Variants in DLC1 observed in about 807,000 individuals in gnomAD.
DLC1 encodes DLC1 Rho GTPase activating protein, also known as rho GTPase-activating protein 7.
DLC1 carries 54 observed loss-of-function variants against 140.3 expected under a neutral mutation model. The observed-to-expected ratio is 0.38, with a 90% CI of 0.31 to 0.48. The LOEUF (loss-of-function observed/expected upper bound fraction) is 0.48, where lower values mean the gene tolerates loss of function less well. DLC1 is among the 20% of genes least tolerant of loss of function. The probability of loss-of-function intolerance (pLI) is 0.96; values close to 1 mark genes in which losing one functional copy is unlikely to be tolerated. For synonymous variants in DLC1, 986 were observed against 728.1 expected, an observed-to-expected ratio of 1.35 and a Z score of -5.70; for missense variants, 2,536 against 1,907.0, an observed-to-expected ratio of 1.33 and a Z score of -6.14.
At position 13,312,386 on chromosome 8, in the gene DLC1, A is replaced by AAAAAAAAAATAAT. The variant is rs71207139; in HGVS notation, c.1315-7085_1315-7084insATTATTTTTTTTT. On this transcript the variant is annotated intron_variant, in intron 4 of 17. Transcript: ENST00000276297. ...AAAAAAAAAAAAAAAAAAAAAAAAA[A>AAAAAAAAAATAAT]AATAATTTCTTTAGCAAGCTAGATA... Among the ~76,000 whole-genome samples the AAAAAAAAAATAAT allele has an allele frequency of 1.8e-3, 151 of 81,640 alleles. 4 individuals carry two copies. The highest frequency in any genetic ancestry group is 7.7e-3 in the Middle Eastern group (1 of 130). The allele number at this position is 81,640 out of a possible 152,430, so 53.6% of individuals were successfully genotyped here.
chr8:13,393,813 GT>G (rs2117216730), intron 3 of DLC1, 120 bp from the exon 4 acceptor site: 1 of 1,200,120 alleles, frequency 8.3e-7, no homozygotes, highest in East Asian at 2.4e-5. Flanking sequence ...ACACTAAAGA[GT>G]TGCTGACAAC....
intron 1 of DLC1, among the ~76,000 whole-genome samples, chr8:13,534,857 G>C (rs1233558706): frequency 1.3e-5 from 2 of 152,196 alleles, no homozygotes; most frequent in East Asian, 3.9e-4. Context: ...TTGAGGAATG[G>C]AATGGAAAAA....
At chr8:13,145,483 A>C (rs1412078043) in intron 5 of DLC1, among the ~76,000 whole-genome samples, 1 of 152,212 alleles carries the variant, frequency 6.6e-6, no homozygotes, top group Non-Finnish European at 1.5e-5. Context: ...TTCACATTAA[A>C]GCTAAACACT....
chr8:13,446,566 A>G (rs2116947012), intron 2 of DLC1, among the ~76,000 whole-genome samples: 1 of 152,126 alleles, frequency 6.6e-6, no homozygotes, highest in Middle Eastern at 3.4e-3. Flanking sequence ...AAAAAGAAGG[A>G]AAGGAAGGAA....
chr8:13,551,859 A>AGTGT (rs202123187), intron 1 of DLC1, among the ~76,000 whole-genome samples: 2 of 124,236 alleles, frequency 1.6e-5, no homozygotes, highest in African/African-American at 2.9e-5. Flanking sequence ...CCTCTAGACA[A>AGTGT]GTGTGTGTAT....
intron 5 of DLC1, 144 bp from the exon 6 acceptor site, chr8:13,115,801 T>A: frequency 5.6e-6 from 4 of 718,228 alleles, no homozygotes; most frequent in Non-Finnish European, 2.3e-6. Flanking sequence ...ACACGCTTAA[T>A]TCGAATGGTT....
intron 5 of DLC1, among the ~76,000 whole-genome samples, chr8:13,303,124 C>A (rs576638409): frequency 9.9e-5 from 15 of 152,188 alleles, no homozygotes; most frequent in African/African-American, 3.6e-4. Flanking sequence ...AATGAAATTA[C>A]ATTTTCTCCT....
At position 13,139,201 on chromosome 8, in the gene DLC1, G is replaced by C. The variant is rs1822786100; in HGVS notation, c.1349-23544C>G. 4.2e-5 allele frequency among the ~76,000 whole-genome samples: 6 copies of C among 143,438 alleles called. No individual in the cohort carries two copies. The South Asian group carries it at 1.1e-3, about 27-fold the overall frequency. The allele number at this position is 143,438 out of a possible 152,430, so 94.1% of individuals were successfully genotyped here. A position where few individuals can be genotyped will look rare whatever the true frequency, so the allele number is the denominator to read the frequency against. On this transcript the variant is annotated intron_variant, in intron 5 of 17. Coordinates refer to ENST00000276297, the MANE Select transcript of DLC1 (RefSeq NM_182643.3). The stretch of plus-strand genomic sequence containing the variant: ...GCTACTTGGGAGGCTGAGGAAGGAG[G>C]ATTGCTTGAGCCGGGTAGTCGAGGC...
intron 3 of DLC1, among the ~76,000 whole-genome samples, chr8:13,397,769 G>A (rs1173197385): frequency 6.6e-6 from 1 of 152,072 alleles, no homozygotes. Flanking sequence ...CCAGGAGTTT[G>A]AGGCCACAGT....
Position 13,464,455 on chromosome 8 carries a change from C to T in DLC1, c.1023+34594G>A, listed in dbSNP as rs373125020. 7.2e-5 allele frequency among the ~76,000 whole-genome samples: 11 copies of T among 151,820 alleles called. No homozygotes were observed. In the East Asian group the frequency reaches 9.6e-4, roughly 13 times the overall value. Reference sequence around the variant, plus strand: ...AACTGCCTAAATCTTTATGGTTAAACGCAATCACATTTGTTATCACATTAA... The same window carrying T: ...AACTGCCTAAATCTTTATGGTTAAATGCAATCACATTTGTTATCACATTAA... On this transcript the variant is annotated intron_variant, in intron 2 of 17. Coordinates refer to ENST00000276297, the MANE Select transcript of DLC1 (RefSeq NM_182643.3).
intron 2 of DLC1, among the ~76,000 whole-genome samples, chr8:13,404,147 C>G (rs1563319310): frequency 1.3e-5 from 2 of 151,996 alleles, no homozygotes; most frequent in African/African-American, 4.8e-5. Context: ...ATTTTAAGAT[C>G]AAAGTGGAAT....
intron 5 of DLC1, among the ~76,000 whole-genome samples, chr8:13,284,931 T>C (rs1237693574): frequency 6.6e-6 from 1 of 152,184 alleles, no homozygotes; most frequent in Non-Finnish European, 1.5e-5. Context: ...GAAGACAATA[T>C]TGCTAGGTTG....
intron 5 of DLC1, among the ~76,000 whole-genome samples, chr8:13,281,057 G>A (rs1187356656): frequency 6.6e-6 from 1 of 152,224 alleles, no homozygotes; most frequent in Non-Finnish European, 1.5e-5. Flanking sequence ...TTCGTAGAAT[G>A]AAGACTCTGT....
At chr8:13,587,289 GA>G (rs61556502) in intron 1 of DLC1, among the ~76,000 whole-genome samples, 15,887 of 144,914 alleles carry the variant, frequency 0.11, 1,087 homozygotes, top group East Asian at 0.28. Context: ...CCATAGCCAA[GA>G]AAAAAAAAAG....
At chr8:13,541,699 G>A (rs867444957) in intron 1 of DLC1, among the ~76,000 whole-genome samples, 5 of 152,036 alleles carry the variant, frequency 3.3e-5, no homozygotes, top group African/African-American at 1.2e-4. Flanking sequence ...ACAGGCGCCT[G>A]CCACCAAGCC....
chr8:13,578,098 C>A (rs1429734379), intron 1 of DLC1, among the ~76,000 whole-genome samples: 2 of 151,970 alleles, frequency 1.3e-5, no homozygotes, highest in East Asian at 1.9e-4. Context: ...GTCCAGTGAA[C>A]CAACTCCCTG....
chr8:13,247,285 T>TA lies in DLC1; in HGVS notation c.1348+57983dup, dbSNP rs1829804308. Among the ~76,000 whole-genome samples, 2 of 152,178 alleles carry TA rather than the reference T, an allele frequency of 1.3e-5. 1 individual carries two copies. The highest frequency in any genetic ancestry group is 4.1e-4 in the South Asian group (2 of 4,828). Reference sequence around the variant, plus strand: ...TGCTTGTGCAATTTGGCACAGTTGTTACTAGGTCAGAAGTACAATTGCAAA... The same window carrying TA: ...TGCTTGTGCAATTTGGCACAGTTGTTAACTAGGTCAGAAGTACAATTGCAAA... On this transcript the variant is annotated intron_variant, in intron 5 of 17. Coordinates refer to ENST00000276297, the MANE Select transcript of DLC1 (RefSeq NM_182643.3).
Position 13,526,250 on chromosome 8 carries a change from T to C in DLC1, c.-125-26054A>G, listed in dbSNP as rs1203649672. Among the ~76,000 whole-genome samples the C allele has an allele frequency of 2.0e-5, 3 of 152,216 alleles. No individual in the cohort carries two copies. The East Asian group carries it at 5.8e-4, about 29-fold the overall frequency. On this transcript the variant is annotated intron_variant, in intron 1 of 1. Coordinates refer to the DLC1 transcript ENST00000631382. ...TAAGTTTTACACCAAGTATTATAAG[T>C]ATTCAAGTTTGTTATTCCTTTTTAA...
At chr8:13,434,455 CAGTT>C (rs1325553851) in intron 2 of DLC1, among the ~76,000 whole-genome samples, 7 of 151,908 alleles carry the variant, frequency 4.6e-5, no homozygotes, top group African/African-American at 7.3e-5. Flanking sequence ...GCAGGCATGA[CAGTT>C]AGTATTGAGA....
Sources: allele counts gnomAD v4.1 joint callset (sites outside exome capture counted in the v4.1 genomes callset), GRCh38; gene constraint gnomAD v4.1.1; transcripts MANE v1.5; gene names NCBI Gene and HGNC (gene_info 2026-07-23, HGNC 2026-07-21).